The following DOP1B variants were observed in gnomAD, a reference collection of about 807,000 sequenced individuals.
DOP1B encodes protein DOP1B.
A neutral mutation model predicts 233.5 loss-of-function variants in DOP1B; 174 were observed. The observed-to-expected ratio is 0.75, with a 90% CI of 0.66 to 0.85. DOP1B has a LOEUF of 0.85. Among genes scored for constraint, DOP1B ranks in the 40% least tolerant of loss-of-function variants. The pLI is 0.00. For synonymous variants in DOP1B, 1,190 were observed against 1,185.6 expected (o/e 1.00, Z -0.08); for missense variants, 2,652 against 2,846.6 (o/e 0.93, Z 1.56).
At chr21:36,218,950 C>T (rs934947535) in intron 9 of DOP1B, among the ~76,000 whole-genome samples, 4 of 152,198 alleles carry the variant, frequency 2.6e-5, no homozygotes, top group African/African-American at 9.7e-5. Context: ...TGTTGAGTAA[C>T]GTCCCTGGCC....
At chr21:36,265,984 T>C (rs1053166266) in intron 26 of DOP1B, among the ~76,000 whole-genome samples, 1 of 151,812 alleles carries the variant, frequency 6.6e-6, no homozygotes, top group Admixed American at 6.6e-5. Flanking sequence ...CTTGAGATCC[T>C]GCAGGTTGAG....
intron 1 of DOP1B, among the ~76,000 whole-genome samples, chr21:36,157,963 T>C (rs2065834644): frequency 6.6e-6 from 1 of 151,982 alleles, no homozygotes; most frequent in Non-Finnish European, 1.5e-5. Context: ...TTCTAAATTA[T>C]TATTATTATT....
intron 2 of DOP1B, among the ~76,000 whole-genome samples, chr21:36,195,391 G>C (rs1331165663): frequency 6.7e-6 from 1 of 149,600 alleles, no homozygotes; most frequent in African/African-American, 2.5e-5. Flanking sequence ...AAAATCAGCA[G>C]GGTGTGGTGG....
Position 36,282,891 on chromosome 21 carries a change from G to A in DOP1B, c.6160+1280G>A, listed in dbSNP as rs997746397. Reference sequence around the variant, plus strand: ...CTGGGGAGGCAGAAGCAGGAGAATCGCTTGAACCTGGTAGGCACTGAGCCG... The same window carrying A: ...CTGGGGAGGCAGAAGCAGGAGAATCACTTGAACCTGGTAGGCACTGAGCCG... On this transcript the variant is annotated intron_variant, in intron 32 of 36. Coordinates refer to ENST00000691173, the MANE Select transcript of DOP1B (RefSeq NM_001320714.2). 1.9e-4 allele frequency among the ~76,000 whole-genome samples: 29 copies of A among 151,596 alleles called. 1 individual carries two copies. Among genetic ancestry groups the A allele is most frequent in the African/African-American group, 5.6e-4 (23 of 41,276 alleles).
chr21:36,234,151 C>T (rs1462229215), intron 15 of DOP1B, among the ~76,000 whole-genome samples: 1 of 152,100 alleles, frequency 6.6e-6, no homozygotes, highest in Non-Finnish European at 1.5e-5. Flanking sequence ...AGCCACCGTG[C>T]CCAGCTGCTT....
chr21:36,205,165 A>G (rs2066413487), intron 4 of DOP1B, among the ~76,000 whole-genome samples: 1 of 152,200 alleles, frequency 6.6e-6, no homozygotes, highest in South Asian at 2.1e-4. Flanking sequence ...TCCTTTTGGC[A>G]AGCAGCTGCA....
intron 2 of DOP1B, among the ~76,000 whole-genome samples, chr21:36,176,122 G>GTGT (rs55642925): frequency 6.6e-6 from 1 of 150,884 alleles, no homozygotes; most frequent in African/African-American, 2.4e-5. Flanking sequence ...GTGTGTGTGT[G>GTGT]GTGATACAGT....
At chr21:36,198,954 C>A (rs1175921118) in intron 2 of DOP1B, 116 bp from the exon 3 acceptor site, 2 of 1,156,780 alleles carry the variant, frequency 1.7e-6, no homozygotes, top group Non-Finnish European at 2.4e-6. Flanking sequence ...GTGTATGTCT[C>A]TTTCTTACAG....
intron 5 of DOP1B, among the ~76,000 whole-genome samples, chr21:36,210,654 CA>C (rs1163413642): frequency 1.3e-5 from 2 of 150,542 alleles, no homozygotes; most frequent in African/African-American, 2.4e-5. Flanking sequence ...GAAAAACAAA[CA>C]AAAAAAATTA....
chr21:36,232,091 G>A (rs186458425), intron 14 of DOP1B, among the ~76,000 whole-genome samples: 29 of 152,066 alleles, frequency 1.9e-4, no homozygotes, highest in Non-Finnish European at 1.6e-4. Context: ...CGATCCACCC[G>A]CCTAGGCCTC....
chr21:36,240,032 G>A, intron 18 of DOP1B, 77 bp downstream of exon 18: 1 of 1,453,158 alleles, frequency 6.9e-7, no homozygotes, highest in Non-Finnish European at 9.2e-7. Flanking sequence ...ATAGCTGAGA[G>A]ACTGAGGCCC....
intron 4 of DOP1B, among the ~76,000 whole-genome samples, chr21:36,201,342 A>ATTTTTTTTTTTTTTTTT (rs1187890925): frequency 4.3e-5 from 2 of 46,978 alleles, no homozygotes; most frequent in East Asian, 4.7e-4. Context: ...TATCTATTGG[A>ATTTTTTTTTTTTTTTTT]TTCTTTTTTT....
chr21:36,230,948 C>T lies in DOP1B; in HGVS notation c.2164C>T (p.Pro722Ser). ...GTCACCATCGTCTTCGCCCAGCAGC[C>T]CTGCCAGGAAAAACGGGGGAGAATG... ...SESPSSSPSS[P>S]ARKNGGEWDV... Residue 722 changes from proline (P) to serine (S), a missense_variant, in exon 14 of 37, where the codon CCT becomes TCT. Pro to Ser is a moderately conservative substitution (Grantham distance 74). This residue lies in a region of DOP1B where 2,617 missense variants were observed against 2,794.3 expected (regional missense o/e 0.94). Transcript: ENST00000691173. 1 of 1,614,146 alleles carries T rather than the reference C, an allele frequency of 6.2e-7. No individual in the cohort carries two copies. The highest frequency in any genetic ancestry group is 1.7e-5 in the Admixed American group (1 of 60,014).
At chr21:36,180,048 C>T (rs903887684) in intron 2 of DOP1B, among the ~76,000 whole-genome samples, 1 of 152,022 alleles carries the variant, frequency 6.6e-6, no homozygotes, top group Non-Finnish European at 1.5e-5. Context: ...TCTAGCAGGA[C>T]CACATTCTCT....
intron 11 of DOP1B, 138 bp from the exon 12 acceptor site, chr21:36,225,427 C>T (rs2066670765): frequency 1.1e-6 from 1 of 887,434 alleles, no homozygotes; most frequent in Non-Finnish European, 1.7e-6. Context: ...GATGGGGTTT[C>T]ACCATGTTGC....
chr21:36,289,554 G>C (rs1399061784), intron 35 of DOP1B, among the ~76,000 whole-genome samples: 1 of 151,894 alleles, frequency 6.6e-6, no homozygotes, highest in Non-Finnish European at 1.5e-5. Context: ...CTTTTTGTCT[G>C]TGTTTAGTTA....
chr21:36,177,591 G>A (rs34043269), intron 2 of DOP1B, among the ~76,000 whole-genome samples: 5,131 of 152,252 alleles, frequency 0.034, 113 homozygotes, highest in South Asian at 0.068. Context: ...AAGGTGACCA[G>A]ACCATGAGGG....
At chr21:36,242,011 T>C (rs1483823937) in intron 18 of DOP1B, among the ~76,000 whole-genome samples, 2 of 152,034 alleles carry the variant, frequency 1.3e-5, no homozygotes, top group South Asian at 2.1e-4. Context: ...TTGTTCCACA[T>C]TGTAAGAAAG....
intron 16 of DOP1B, among the ~76,000 whole-genome samples, chr21:36,237,742 C>T (rs1202275709): frequency 6.6e-6 from 1 of 152,152 alleles, no homozygotes; most frequent in East Asian, 1.9e-4. Flanking sequence ...CCTTTAAGAA[C>T]TTATTGAAGC....
Sources: gnomAD v4.1 joint callset for allele counts (sites outside exome capture counted in the v4.1 genomes callset) on GRCh38, gnomAD v4.1.1 for gene constraint, gnomAD v4.1.1 regional missense constraint, MANE v1.5 for transcripts, NCBI Gene and HGNC (gene_info 2026-07-23, HGNC 2026-07-21) for gene names.